The following KIF27 variants were observed in gnomAD, a reference collection of about 807,000 sequenced individuals.
KIF27 encodes the protein kinesin family member 27, also known as kinesin-like protein KIF27.
A neutral mutation model predicts 141.8 loss-of-function variants in KIF27; 84 were observed. The observed-to-expected ratio is 0.59, with a 90% CI of 0.50 to 0.71. The LOEUF (loss-of-function observed/expected upper bound fraction) is 0.71. Among genes scored for constraint, KIF27 ranks in the 30% least tolerant of loss-of-function variants. The pLI is 0.00. For synonymous variants in KIF27, 471 were observed against 569.5 expected (o/e 0.83, Z 2.46); for missense variants, 1,306 against 1,628.4 (o/e 0.80, Z 3.41).
At chr9:83,848,042 T>C (rs1461160430) in intron 16 of KIF27, 3 of 111,824 alleles carry the variant, frequency 2.7e-5, no homozygotes, top group African/African-American at 6.3e-5. Flanking sequence ...TCTATATATA[T>C]CTACATATAT....
At chr9:83,909,565 G>A (rs1954926090) in intron 2 of KIF27, among the ~76,000 whole-genome samples, 1 of 144,784 alleles carries the variant, frequency 6.9e-6, no homozygotes, top group South Asian at 2.1e-4. Flanking sequence ...AGTGAGCTGA[G>A]ACAGTGCCAC....
chr9:83,890,380 A>T (rs1448050556), intron 6 of KIF27, among the ~76,000 whole-genome samples: 1 of 152,164 alleles, frequency 6.6e-6, no homozygotes, highest in Non-Finnish European at 1.5e-5. Context: ...TACTGATCTA[A>T]CAAATACAAC....
chr9:83,899,893 T>G, intron 4 of KIF27, 89 bp from the exon 5 acceptor site: 1 of 1,086,002 alleles, frequency 9.2e-7, no homozygotes, highest in Non-Finnish European at 1.3e-6. Context: ...GATTTGATTA[T>G]AGCTTGATGA....
At chr9:83,901,371 G>C (rs890921653) in intron 4 of KIF27, among the ~76,000 whole-genome samples, 1 of 152,148 alleles carries the variant, frequency 6.6e-6, no homozygotes, top group African/African-American at 2.4e-5. Flanking sequence ...TAGGAAAGAA[G>C]AACATCCACA....
chr9:83,889,272 A>C lies in KIF27; in HGVS notation c.1810-19T>G, dbSNP rs1251941674. The C allele has an allele frequency of 6.4e-7, 1 of 1,561,498 alleles. No homozygotes were observed. Among genetic ancestry groups the C allele is most frequent in the African/African-American group, 1.4e-5 (1 of 73,544 alleles). On this transcript the variant is annotated intron_variant, in intron 6 of 17. Coordinates refer to ENST00000297814, the MANE Select transcript of KIF27 (RefSeq NM_017576.4). ...TGTGGACCTTGCAAGTGATTCCCCCACCCAACAACAAAAAAAGTGATATTT... is the reference window on the plus strand; with the variant it reads ...TGTGGACCTTGCAAGTGATTCCCCCCCCCAACAACAAAAAAAGTGATATTT...
intron 5 of KIF27, among the ~76,000 whole-genome samples, chr9:83,891,796 A>AG (rs1952709053): frequency 6.6e-6 from 1 of 152,252 alleles, no homozygotes; most frequent in Non-Finnish European, 1.5e-5. Context: ...AAGCACTTTG[A>AG]TTAGCTATCT....
intron 1 of KIF27, among the ~76,000 whole-genome samples, chr9:83,920,843 C>G (rs1484746643): frequency 9.7e-6 from 1 of 102,664 alleles, no homozygotes; most frequent in Admixed American, 9.1e-5. Context: ...GGAAATGCGC[C>G]CAAGTTTCAA....
chr9:83,875,034 T>C lies in KIF27; in HGVS notation c.2644-4402A>G, dbSNP rs763485043. On this transcript the variant is annotated intron_variant, in intron 11 of 17. Coordinates refer to ENST00000297814, the MANE Select transcript of KIF27 (RefSeq NM_017576.4). ...GACTTCTACTCTTTGAAGAAGACAG[T>C]GTCTTCTTTTCCCTAAGCATGGATT... Among the ~76,000 whole-genome samples the C allele has an allele frequency of 1.0e-3, 158 of 151,340 alleles. 1 individual carries two copies. Among genetic ancestry groups the C allele is most frequent in the Middle Eastern group, 7.0e-3 (2 of 284 alleles).
chr9:83,870,405 G>T, intron 12 of KIF27, 114 bp downstream of exon 12: 38 of 1,456,090 alleles, frequency 2.6e-5, no homozygotes, highest in Non-Finnish European at 3.5e-5. Context: ...GACCGCAGGT[G>T]ATCCACCCAC....
chr9:83,876,031 G>T, intron 11 of KIF27, among the ~76,000 whole-genome samples: 1 of 152,044 alleles, frequency 6.6e-6, no homozygotes, highest in Admixed American at 6.5e-5. Flanking sequence ...TAAGAAAAAA[G>T]GATAAAAGAT....
intron 16 of KIF27, among the ~76,000 whole-genome samples, chr9:83,842,702 G>A (rs567718731): frequency 4.6e-5 from 7 of 152,146 alleles, no homozygotes; most frequent in African/African-American, 1.4e-4. Context: ...TCCTGACCTC[G>A]TGATCCGCCC....
intron 12 of KIF27, among the ~76,000 whole-genome samples, chr9:83,869,085 T>C (rs926053132): frequency 6.6e-6 from 1 of 152,198 alleles, no homozygotes; most frequent in African/African-American, 2.4e-5. Context: ...TAAGCTCCAC[T>C]TAAAAGGAAA....
At chr9:83,893,004 G>T (rs1952826525) in intron 5 of KIF27, among the ~76,000 whole-genome samples, 2 of 152,184 alleles carry the variant, frequency 1.3e-5, no homozygotes, top group African/African-American at 4.8e-5. Flanking sequence ...GGAAGCCAAG[G>T]CCAGTAGATC....
At chr9:83,896,073 A>C (rs1953209555) in intron 5 of KIF27, among the ~76,000 whole-genome samples, 1 of 135,678 alleles carries the variant, frequency 7.4e-6, no homozygotes, top group African/African-American at 2.9e-5. Context: ...AAAAAAAAAA[A>C]AACAAAACAC....
Position 83,915,401 on chromosome 9 carries a change from C to A in KIF27, c.191G>T (p.Cys64Phe), listed in dbSNP as rs749506941. The A allele has an allele frequency of 2.5e-6, 4 of 1,613,736 alleles. No individual in the cohort carries two copies. In the East Asian group the frequency reaches 8.9e-5, roughly 36 times the overall value. ...GAGTGACAACACTAGGGGCTTTATA[C>A]ATGTGTTATAAACTTCATCTTGAGT... is the stretch of plus-strand genomic sequence containing the variant. ...NSTQDEVYNT[C>F]IKPLVLSLIE... The change falls in exon 2 of 18, where the codon TGT (cysteine) becomes TTT (phenylalanine). Residue 64 changes from cysteine to phenylalanine, a missense_variant. Around this residue, in one of 4 missense-constraint regions of KIF27, gnomAD observed 533 missense variants for 565.6 expected, o/e 0.94. Coordinates refer to ENST00000297814, the MANE Select transcript of KIF27 (RefSeq NM_017576.4).
chr9:83,906,501 G>A (rs914570325), intron 3 of KIF27, among the ~76,000 whole-genome samples: 6 of 151,988 alleles, frequency 3.9e-5, no homozygotes, highest in Non-Finnish European at 8.8e-5. Context: ...AGCACTTTGG[G>A]AGGCCAAAGC....
chr9:83,905,313 T>C (rs1954403347), intron 3 of KIF27, among the ~76,000 whole-genome samples: 1 of 151,966 alleles, frequency 6.6e-6, no homozygotes, highest in Non-Finnish European at 1.5e-5. Flanking sequence ...ACAGACGGGG[T>C]TTCACTGTGT....
In KIF27 at chr9:83,859,555, G is replaced by A. The variant is rs1174562911; in HGVS notation, c.2935-184C>T. On this transcript the variant is annotated intron_variant, in intron 13 of 17. Coordinates refer to ENST00000297814, the MANE Select transcript of KIF27 (RefSeq NM_017576.4). Reference sequence around the variant, plus strand: ...ATTTTCTTTTTTTGTTTTTGACATGGAGTTTTGCTCTTGTTCCCCAGGCTA... The same window carrying A: ...ATTTTCTTTTTTTGTTTTTGACATGAAGTTTTGCTCTTGTTCCCCAGGCTA... 5.3e-6 allele frequency: 3 copies of A among 563,766 alleles called. No individual in the cohort carries two copies. In the African/African-American group the frequency reaches 5.7e-5, roughly 11 times the overall value. 34.9% of individuals were successfully genotyped at this position (563,766 alleles called of 1,614,324 possible).
At chr9:83,855,581 C>G (rs1312868760) in intron 14 of KIF27, among the ~76,000 whole-genome samples, 1 of 152,170 alleles carries the variant, frequency 6.6e-6, no homozygotes, top group Non-Finnish European at 1.5e-5. Context: ...TCAATAGGTT[C>G]TTGGAAACTG....
Sources: allele counts gnomAD v4.1 joint callset (sites outside exome capture counted in the v4.1 genomes callset), GRCh38; gene constraint gnomAD v4.1.1; regional missense constraint gnomAD v4.1.1; transcripts MANE v1.5; gene names NCBI Gene and HGNC (gene_info 2026-07-23, HGNC 2026-07-21).